The following GCC2 variants were observed in gnomAD, a reference collection of about 807,000 sequenced individuals.
GCC2 encodes the protein GRIP and coiled-coil domain containing 2.
A neutral mutation model predicts 210.6 loss-of-function variants in GCC2; 120 were observed. The observed-to-expected ratio is 0.57, with a 90% CI of 0.49 to 0.66. The LOEUF (loss-of-function observed/expected upper bound fraction) is 0.66. Ranked by LOEUF, GCC2 falls within the 30% of genes least tolerant of loss-of-function variation. The pLI is 0.00. For missense variants in GCC2, 1,868 were observed against 1,871.9 expected (o/e 1.00, Z 0.04); for synonymous variants, 703 against 652.7 (o/e 1.08, Z -1.17).
intron 21 of GCC2, among the ~76,000 whole-genome samples, chr2:108,497,500 G>T (rs542658683): frequency 9.2e-5 from 14 of 152,316 alleles, no homozygotes; most frequent in African/African-American, 3.4e-4. Flanking sequence ...TTAGAAACTA[G>T]AGAGATGTTC....
At position 108,452,381 on chromosome 2, in the gene GCC2, T is replaced by C. The variant is rs767403194; in HGVS notation, c.149-18T>C. On this transcript the variant is annotated intron_variant, in intron 3 of 22. Transcript: ENST00000309863. Reference sequence around the variant, plus strand: ...TCTTTATTTCTGAACCGGAGTCCTTTATTTTTTAATTGTTTAGAATTGGAG... The same window carrying C: ...TCTTTATTTCTGAACCGGAGTCCTTCATTTTTTAATTGTTTAGAATTGGAG... 6.7e-6 allele frequency: 9 copies of C among 1,349,944 alleles called. No individual in the cohort carries two copies. In the Admixed American group the frequency reaches 1.0e-4, roughly 15 times the overall value. 83.6% of individuals were successfully genotyped at this position (1,349,944 alleles called of 1,614,324 possible).
rs150405786 is a variant in GCC2 at position 108,480,211 on chromosome 2, C to A, written c.3061-1486C>A. On this transcript the variant is annotated intron_variant, in intron 9 of 22. Coordinates refer to ENST00000309863, the MANE Select transcript of GCC2 (RefSeq NM_181453.4). ...CTAGCAATAAAACCATAATTAGATA[C>A]CACCTCACATCAGTCAGGATGGCTA... 1.1e-3 allele frequency among the ~76,000 whole-genome samples: 164 copies of A among 152,156 alleles called. 2 individuals carry two copies. Among genetic ancestry groups the A allele is most frequent in the African/African-American group, 3.9e-3 (161 of 41,512 alleles).
chr2:108,450,799 T>C (rs1359593110), intron 2 of GCC2, among the ~76,000 whole-genome samples: 5 of 152,110 alleles, frequency 3.3e-5, no homozygotes, highest in Non-Finnish European at 5.9e-5. Context: ...GGAGAATTGC[T>C]TGAACTTGGG....
At chr2:108,465,333 T>C (rs571470152) in intron 4 of GCC2, among the ~76,000 whole-genome samples, 162 of 152,336 alleles carry the variant, frequency 1.1e-3, no homozygotes, top group African/African-American at 3.9e-3. Flanking sequence ...AACCTTGATC[T>C]CAGAGTATTG....
At position 108,470,161 on chromosome 2, in the gene GCC2, G is replaced by A. The variant is rs765075262; in HGVS notation, c.832G>A (p.Glu278Lys). ...AEINKLNELKENLVKQCEASE... is the reference protein window; with the variant it reads ...AEINKLNELKKNLVKQCEASE... ...GATAAATAAGTTGAACGAGCTAAAA[G>A]AGAACTTAGTAAAACAATGTGAGGC... The change falls in exon 6 of 23, where the codon GAG (glutamate) becomes AAG (lysine). Residue 278 changes from glutamate to lysine, a missense_variant. Glu to Lys is a moderately conservative substitution (Grantham distance 56). Transcript: ENST00000309863. 1.2e-6 allele frequency: 2 copies of A among 1,613,582 alleles called. No individual in the cohort carries two copies. Among genetic ancestry groups the A allele is most frequent in the Non-Finnish European group, 1.7e-6 (2 of 1,179,852 alleles).
chr2:108,451,180 AAAT>A (rs1382801817), intron 3 of GCC2, 68 bp downstream of exon 3: 1 of 920,688 alleles, frequency 1.1e-6, no homozygotes, highest in Non-Finnish European at 1.7e-6. Flanking sequence ...GTAGTTTTTA[AAAT>A]AATGCATTGG....
At chr2:108,461,403 T>C (rs1680562540) in intron 4 of GCC2, among the ~76,000 whole-genome samples, 1 of 152,208 alleles carries the variant, frequency 6.6e-6, no homozygotes, top group African/African-American at 2.4e-5. Context: ...TGTTTGGGGA[T>C]ACCTGGGCCT....
chr2:108,458,006 G>A (rs1680359878), intron 4 of GCC2, among the ~76,000 whole-genome samples: 1 of 152,198 alleles, frequency 6.6e-6, no homozygotes, highest in African/African-American at 2.4e-5. Context: ...TCAGTTCTTA[G>A]AGGAAAGATT....
At chr2:108,501,758 A>T (rs3171947) in intron 22 of GCC2, among the ~76,000 whole-genome samples, 3 of 152,194 alleles carry the variant, frequency 2.0e-5, no homozygotes, top group Admixed American at 6.5e-5. Context: ...TCTGGTCTGG[A>T]GCCCATACCT....
chr2:108,484,241 CA>C lies in GCC2; in HGVS notation c.3545del (p.Lys1182ArgfsTer2). ...LNQKLTNKNN[K>X]IEDLEQEIKI... ...ATCAAAAGTTAACTAATAAAAACAA[CA>C]AGATAGAAGATTTGGAGCAAGAAAT... On this transcript the variant is annotated frameshift_variant, in exon 13 of 23. Transcript: ENST00000309863. LOFTEE classifies it high-confidence loss of function. 1 of 1,576,308 alleles carries C rather than the reference CA, an allele frequency of 6.3e-7. No homozygotes were observed. The highest frequency in any genetic ancestry group is 8.6e-7 in the Non-Finnish European group (1 of 1,158,000).
At chr2:108,478,959 G>A (rs756133901) in intron 9 of GCC2, among the ~76,000 whole-genome samples, 5 of 152,122 alleles carry the variant, frequency 3.3e-5, no homozygotes, top group Non-Finnish European at 5.9e-5. Context: ...TTGGGAGGCC[G>A]TGGCTTGAGG....
intron 9 of GCC2, among the ~76,000 whole-genome samples, chr2:108,479,650 A>T (rs1681732990): frequency 6.6e-6 from 1 of 151,590 alleles, no homozygotes; most frequent in South Asian, 2.1e-4. Context: ...CAAAAAAAAG[A>T]TTTCGCAAGC....
intron 7 of GCC2, 93 bp from the exon 8 acceptor site, chr2:108,475,442 T>G (rs1681457810): frequency 5.5e-6 from 3 of 546,360 alleles, no homozygotes; most frequent in Non-Finnish European, 3.2e-6. Context: ...TTACCAATTT[T>G]GTGCTCCCAA....
intron 4 of GCC2, among the ~76,000 whole-genome samples, chr2:108,454,528 G>A (rs1364859908): frequency 5.3e-5 from 8 of 152,112 alleles, no homozygotes; most frequent in Non-Finnish European, 1.2e-4. Flanking sequence ...AGTCTTCTTT[G>A]TATATTTAGT....
chr2:108,476,832 A>G (rs558131563), intron 9 of GCC2, among the ~76,000 whole-genome samples: 10 of 152,300 alleles, frequency 6.6e-5, no homozygotes, highest in African/African-American at 2.4e-4. Context: ...ACAGGCAAAC[A>G]TACAAAAATA....
intron 6 of GCC2, 149 bp from the exon 7 acceptor site, chr2:108,472,678 A>G: frequency 1.7e-6 from 1 of 597,800 alleles, no homozygotes; most frequent in Non-Finnish European, 2.9e-6. Context: ...CTAACAAGGG[A>G]AAATCTGTTG....
chr2:108,462,421 G>A (rs1323947115), intron 4 of GCC2, among the ~76,000 whole-genome samples: 3 of 148,656 alleles, frequency 2.0e-5, no homozygotes, highest in Non-Finnish European at 4.5e-5. Context: ...GTGAACCCGG[G>A]AGGCAGAGCT....
At position 108,471,576 on chromosome 2, in the gene GCC2, AG is replaced by A; in HGVS notation, c.2248del (p.Val750PhefsTer44). ...TAAATAAACTGCTTGAAAATGAGCA[AG>A]TTCAGAAGTTATTTGTTAAAACTCA... ...NLNKLLENEQ[V>X]QKLFVKTQLY... On this transcript the variant is annotated frameshift_variant, in exon 6 of 23. Transcript: ENST00000309863. LOFTEE classifies it high-confidence loss of function. 1 of 1,609,306 alleles carries A rather than the reference AG, an allele frequency of 6.2e-7. No homozygotes were observed. Among genetic ancestry groups the A allele is most frequent in the Non-Finnish European group, 8.5e-7 (1 of 1,178,526 alleles).
In GCC2 at chr2:108,498,183, C is replaced by CTTTTTTTTTTTTT. The variant is rs3084885; in HGVS notation, c.4782+1092_4782+1104dup. Among the ~76,000 whole-genome samples, 54 of 57,486 alleles carry CTTTTTTTTTTTTT rather than the reference C, an allele frequency of 9.4e-4. 5 individuals are homozygous for CTTTTTTTTTTTTT. The highest frequency in any genetic ancestry group is 1.5e-3 in the South Asian group (2 of 1,326). The allele number at this position is 57,486 out of a possible 152,430, so 37.7% of individuals were successfully genotyped here. ...ATGACTTATTTAAATGTTATATTTT[C>CTTTTTTTTTTTTT]TTTTTTTTTTTTTTTTTTTTTTTTT... On this transcript the variant is annotated intron_variant, in intron 21 of 22. Transcript: ENST00000309863.
Sources: allele counts gnomAD v4.1 joint callset (sites outside exome capture counted in the v4.1 genomes callset), GRCh38; gene constraint gnomAD v4.1.1; transcripts MANE v1.5; gene names NCBI Gene and HGNC (gene_info 2026-07-23, HGNC 2026-07-21).